The following NRG3 variants were observed in gnomAD, a reference collection of about 807,000 sequenced individuals.
NRG3 encodes the protein neuregulin 3, also known as pro-neuregulin-3, membrane-bound isoform.
Under a neutral mutation model 66.9 loss-of-function variants are expected in NRG3, and 31 were observed. That is an observed-to-expected ratio of 0.46 (90% CI 0.35 to 0.63). NRG3 has a LOEUF of 0.63. Among genes scored for constraint, NRG3 ranks in the 20% least tolerant of loss-of-function variants. The pLI is 0.00. For missense variants in NRG3, 910 were observed against 878.9 expected (o/e 1.04, Z -0.45); for synonymous variants, 393 against 359.4 (o/e 1.09, Z -1.06).
chr10:82,559,667 C>A (rs976840134), intron 2 of NRG3, among the ~76,000 whole-genome samples: 1 of 152,164 alleles, frequency 6.6e-6, no homozygotes, highest in African/African-American at 2.4e-5. Flanking sequence ...TGGCAAAGTG[C>A]AAATGCACAT....
intron 2 of NRG3, among the ~76,000 whole-genome samples, chr10:82,459,968 G>A (rs535083122): frequency 6.6e-6 from 1 of 152,360 alleles, no homozygotes; most frequent in African/African-American, 2.4e-5. Flanking sequence ...GAGGAATTGA[G>A]TAATGGCAAG....
chr10:82,521,371 C>T (rs1324876645), intron 2 of NRG3, among the ~76,000 whole-genome samples: 2 of 152,046 alleles, frequency 1.3e-5, no homozygotes, highest in Non-Finnish European at 1.5e-5. Flanking sequence ...GAGACAGTCT[C>T]GCACTGTCGC....
chr10:82,245,908 C>G (rs1224853035), intron 1 of NRG3, among the ~76,000 whole-genome samples: 1 of 149,926 alleles, frequency 6.7e-6, no homozygotes, highest in Non-Finnish European at 1.5e-5. Flanking sequence ...ATTTATCCTA[C>G]TTTACACTTT....
At chr10:82,441,589 G>A (rs187148868) in intron 2 of NRG3, among the ~76,000 whole-genome samples, 5 of 152,240 alleles carry the variant, frequency 3.3e-5, no homozygotes, top group Admixed American at 6.5e-5. Context: ...AAAATGAACC[G>A]GCCCGCACAG....
chr10:82,924,516 T>C (rs184545517), intron 4 of NRG3, among the ~76,000 whole-genome samples: 72 of 152,080 alleles, frequency 4.7e-4, no homozygotes, highest in Non-Finnish European at 1.9e-4. Flanking sequence ...ATATTATCTG[T>C]TTGGTTTTGC....
chr10:82,717,616 C>T (rs2057054709), intron 2 of NRG3, among the ~76,000 whole-genome samples: 1 of 151,770 alleles, frequency 6.6e-6, no homozygotes, highest in Non-Finnish European at 1.5e-5. Flanking sequence ...AGTAGTAGAT[C>T]GGGGTCTTGA....
chr10:82,375,629 A>G (rs760300667), intron 2 of NRG3, among the ~76,000 whole-genome samples: 62 of 152,328 alleles, frequency 4.1e-4, no homozygotes, highest in Non-Finnish European at 1.8e-4. Flanking sequence ...TGAATTTTAC[A>G]ATGGAACATG....
chr10:82,728,186 G>A (rs1414764319), intron 2 of NRG3, among the ~76,000 whole-genome samples: 1 of 152,072 alleles, frequency 6.6e-6, no homozygotes, highest in African/African-American at 2.4e-5. Context: ...TAAGACTTTG[G>A]GGGACTGTAG....
intron 1 of NRG3, among the ~76,000 whole-genome samples, chr10:82,280,103 G>A (rs74146550): frequency 0.011 from 1,728 of 152,186 alleles, 29 homozygotes; most frequent in African/African-American, 0.039. Flanking sequence ...CAGGGTGTAT[G>A]AAAGTAAGGG....
At chr10:82,148,581 C>A (rs2070442779) in intron 1 of NRG3, among the ~76,000 whole-genome samples, 1 of 151,950 alleles carries the variant, frequency 6.6e-6, no homozygotes. Flanking sequence ...ACGTGTGCAT[C>A]AAAATCACCT....
intron 4 of NRG3, among the ~76,000 whole-genome samples, chr10:82,907,111 G>A (rs545691002): frequency 5.9e-5 from 9 of 152,200 alleles, no homozygotes; most frequent in Middle Eastern, 3.4e-3. Context: ...TTATCCCATC[G>A]CTAAGAGCAG....
intron 1 of NRG3, among the ~76,000 whole-genome samples, chr10:82,141,277 T>G (rs2069764026): frequency 6.6e-6 from 1 of 152,206 alleles, no homozygotes; most frequent in African/African-American, 2.4e-5. Flanking sequence ...CTCAAAATTT[T>G]TCCTTTTGCA....
At chr10:81,898,134 T>C (rs1399399821) in intron 1 of NRG3, among the ~76,000 whole-genome samples, 1 of 152,052 alleles carries the variant, frequency 6.6e-6, no homozygotes, top group Admixed American at 6.6e-5. Flanking sequence ...GTTAGGAGGG[T>C]GGCCCCTGGA....
chr10:82,333,830 C>T (rs560043493), intron 1 of NRG3, among the ~76,000 whole-genome samples: 1 of 152,198 alleles, frequency 6.6e-6, no homozygotes, highest in African/African-American at 2.4e-5. Flanking sequence ...AAAAGAAAAA[C>T]AGCATACTGC....
intron 3 of NRG3, among the ~76,000 whole-genome samples, chr10:82,853,565 G>A (rs893459527): frequency 1.3e-5 from 2 of 152,032 alleles, no homozygotes; most frequent in African/African-American, 4.8e-5. Flanking sequence ...TGTGGCTCTT[G>A]TAAAAGGGGT....
At chr10:82,269,018 A>T (rs997686871) in intron 1 of NRG3, among the ~76,000 whole-genome samples, 1 of 151,634 alleles carries the variant, frequency 6.6e-6, no homozygotes, top group African/African-American at 2.4e-5. Context: ...ATTCACCGTG[A>T]CTCCTTTGCA....
intron 2 of NRG3, among the ~76,000 whole-genome samples, chr10:82,648,994 A>G (rs929168710): frequency 2.0e-5 from 3 of 152,200 alleles, no homozygotes; most frequent in Non-Finnish European, 2.9e-5. Context: ...AGAGCTATCT[A>G]TGACAAACCC....
chr10:81,887,490 G>A (rs1842704767), intron 1 of NRG3, among the ~76,000 whole-genome samples: 1 of 152,170 alleles, frequency 6.6e-6, no homozygotes, highest in African/African-American at 2.4e-5. Context: ...CTAATTGACA[G>A]TGCTGAGTAC....
intron 2 of NRG3, among the ~76,000 whole-genome samples, chr10:82,492,428 G>T (rs1338080747): frequency 6.6e-6 from 1 of 152,162 alleles, no homozygotes; most frequent in Non-Finnish European, 1.5e-5. Context: ...ACTCTCTGGT[G>T]ATTTTTTTAG....
Sources: gnomAD v4.1 joint callset for allele counts (sites outside exome capture counted in the v4.1 genomes callset) on GRCh38, gnomAD v4.1.1 for gene constraint, MANE v1.5 for transcripts, NCBI Gene and HGNC (gene_info 2026-07-23, HGNC 2026-07-21) for gene names.